The following FAM13B variants were observed in gnomAD, a reference collection of about 807,000 sequenced individuals.
FAM13B encodes protein FAM13B.
FAM13B carries 60 observed loss-of-function variants against 117.3 expected under a neutral mutation model. That is an observed-to-expected ratio of 0.51 (90% CI 0.42 to 0.63). The LOEUF is 0.63. Among genes scored for constraint, FAM13B ranks in the 30% least tolerant of loss-of-function variants. The probability of loss-of-function intolerance (pLI) is 0.00; values close to 1 mark genes in which losing one functional copy is unlikely to be tolerated. For missense variants in FAM13B, 972 were observed against 1,091.9 expected (o/e 0.89, Z 1.55); for synonymous variants, 332 against 356.1 (o/e 0.93, Z 0.76).
intron 10 of FAM13B, among the ~76,000 whole-genome samples, chr5:137,969,319 C>A (rs546191477): frequency 2.0e-5 from 3 of 152,218 alleles, no homozygotes; most frequent in Non-Finnish European, 4.4e-5. Flanking sequence ...CCCCAAGCAG[C>A]CTAACTGGGA....
intron 1 of FAM13B, among the ~76,000 whole-genome samples, chr5:138,025,319 T>TTG (rs1788062549): frequency 8.5e-6 from 1 of 117,808 alleles, no homozygotes; most frequent in African/African-American, 3.1e-5. Context: ...ATGTATTTTT[T>TTG]TTTTTTTTTT....
intron 22 of FAM13B, chr5:137,942,550 T>C: frequency 3.6e-6 from 1 of 281,508 alleles, no homozygotes. Context: ...TTTTATACAG[T>C]CTGGGTCCCA....
At chr5:137,990,228 T>G (rs58146796) in intron 7 of FAM13B, among the ~76,000 whole-genome samples, 1 of 152,344 alleles carries the variant, frequency 6.6e-6, no homozygotes, top group African/African-American at 2.4e-5. Context: ...GATAATTCCT[T>G]GCCTATCGAG....
At chr5:138,042,018 A>G (rs1791515717) in intron 1 of FAM13B, among the ~76,000 whole-genome samples, 1 of 152,194 alleles carries the variant, frequency 6.6e-6, no homozygotes, top group African/African-American at 2.4e-5. Flanking sequence ...CTATGACTGC[A>G]CCACTGCACT....
chr5:138,031,686 G>GAA (rs761785377), intron 1 of FAM13B, among the ~76,000 whole-genome samples: 2 of 133,688 alleles, frequency 1.5e-5, no homozygotes, highest in African/African-American at 2.8e-5. Context: ...CTGTCTCAAG[G>GAA]AAAAAAAAAA....
intron 1 of FAM13B, among the ~76,000 whole-genome samples, chr5:138,045,138 T>C (rs1581333248): frequency 6.6e-6 from 1 of 152,226 alleles, no homozygotes; most frequent in East Asian, 1.9e-4. Context: ...AATATAGGTA[T>C]AAAAATGTTC....
At chr5:137,981,892 T>G (rs911593773) in intron 10 of FAM13B, among the ~76,000 whole-genome samples, 4 of 151,642 alleles carry the variant, frequency 2.6e-5, no homozygotes, top group African/African-American at 9.7e-5. Flanking sequence ...AAACAGACAG[T>G]GATGAGGAGA....
At position 138,026,378 on chromosome 5, in the gene FAM13B, C is replaced by T. The variant is rs530292556; in HGVS notation, c.-202-5181G>A. ...TGATGGTTCACACCCGTAATCCCAG[C>T]TCTTTGGGAGGCCGAGGTGGGCAGA... On this transcript the variant is annotated intron_variant, in intron 1 of 23. Transcript: ENST00000689681. Among the ~76,000 whole-genome samples, 4 of 152,206 alleles carry T rather than the reference C, an allele frequency of 2.6e-5. No individual in the cohort carries two copies. In the South Asian group the frequency reaches 8.3e-4, roughly 32 times the overall value.
intron 1 of FAM13B, among the ~76,000 whole-genome samples, chr5:138,025,313 A>ATATATATATAT (rs1788041739): frequency 9.0e-6 from 1 of 111,198 alleles, no homozygotes; most frequent in African/African-American, 3.3e-5. Flanking sequence ...ATATATATGT[A>ATATATATATAT]TTTTTTTTTT....
chr5:138,002,110 C>CT (rs1288297203), intron 7 of FAM13B, among the ~76,000 whole-genome samples: 2 of 152,084 alleles, frequency 1.3e-5, no homozygotes. Flanking sequence ...AATAAATGAT[C>CT]TTAGTTTTTA....
chr5:138,005,937 C>T (rs1166288437), intron 7 of FAM13B, among the ~76,000 whole-genome samples: 1 of 148,262 alleles, frequency 6.7e-6, no homozygotes, highest in African/African-American at 2.5e-5. Flanking sequence ...TTTGCTCTGT[C>T]GCCCAGGCTG....
chr5:138,010,134 C>G (rs1783609426), intron 6 of FAM13B, among the ~76,000 whole-genome samples: 1 of 152,094 alleles, frequency 6.6e-6, no homozygotes, highest in Non-Finnish European at 1.5e-5. Context: ...GCACATGCCC[C>G]TATGCCTGGC....
In FAM13B at chr5:137,940,008, G is replaced by A. The variant is rs921584617; in HGVS notation, c.*217C>T. 2 of 1,603,602 alleles carry A rather than the reference G, an allele frequency of 1.2e-6. No individual in the cohort carries two copies. The highest frequency in any genetic ancestry group is 1.7e-6 in the Non-Finnish European group (2 of 1,174,446). ...ACCATATGTTTGCTAAAGGTGGAGA[G>A]GACAGTCTGTGGTTAATATGGAACA... On this transcript the variant is annotated 3_prime_UTR_variant, in exon 24 of 24. Coordinates refer to ENST00000689681, the MANE Select transcript of FAM13B (RefSeq NM_001385994.1).
intron 4 of FAM13B, among the ~76,000 whole-genome samples, chr5:138,015,838 C>T (rs1382995604): frequency 6.6e-6 from 1 of 152,186 alleles, no homozygotes; most frequent in Non-Finnish European, 1.5e-5. Flanking sequence ...GCAAATATCA[C>T]CCCAAATACT....
At chr5:137,965,869 A>G (rs1769562687) in intron 10 of FAM13B, among the ~76,000 whole-genome samples, 1 of 152,176 alleles carries the variant, frequency 6.6e-6, no homozygotes, top group African/African-American at 2.4e-5. Context: ...GGCACCATCA[A>G]TGAAGGTACC....
intron 20 of FAM13B, among the ~76,000 whole-genome samples, chr5:137,944,687 G>A (rs1762929194): frequency 6.6e-6 from 1 of 151,698 alleles, no homozygotes; most frequent in Non-Finnish European, 1.5e-5. Flanking sequence ...GAACCCGGGA[G>A]GCGGAGGTTG....
intron 9 of FAM13B, among the ~76,000 whole-genome samples, chr5:137,986,022 T>G (rs955707597): frequency 3.3e-5 from 5 of 152,194 alleles, no homozygotes; most frequent in Non-Finnish European, 7.3e-5. Flanking sequence ...TAGATACTGA[T>G]TTTTTCCTTC....
chr5:138,047,277 C>T (rs1162669025), intron 1 of FAM13B, among the ~76,000 whole-genome samples: 8 of 150,678 alleles, frequency 5.3e-5, no homozygotes, highest in African/African-American at 9.8e-5. Context: ...GAGGCCGAGG[C>T]GGGTGGATCA....
rs781652564 is a variant in FAM13B, at chr5:138,011,142, T to C, written c.556A>G (p.Thr186Ala). The change falls in exon 6 of 24, where the codon ACA (threonine) becomes GCA (alanine). Residue 186 changes from threonine (T) to alanine (A), a missense_variant. Physicochemically the swap from Thr to Ala is moderately conservative, Grantham distance 58 (BLOSUM62 0). Transcript: ENST00000689681. Reference sequence around the variant, plus strand: ...TGCTCTTTCATGTCTTCCACATCTGTGTAAATGCTAAGAATAGAAGTCCAA... The same window carrying C: ...TGCTCTTTCATGTCTTCCACATCTGCGTAAATGCTAAGAATAGAAGTCCAA... ...VFGPDVFHIY[T>A]DVEDMKEQEI... 1.2e-6 allele frequency: 2 copies of C among 1,602,820 alleles called. No individual in the cohort carries two copies. Among genetic ancestry groups the C allele is most frequent in the African/African-American group, 2.7e-5 (2 of 74,304 alleles).
Sources: allele counts gnomAD v4.1 joint callset (sites outside exome capture counted in the v4.1 genomes callset), GRCh38; gene constraint gnomAD v4.1.1; transcripts MANE v1.5; gene names NCBI Gene and HGNC (gene_info 2026-07-23, HGNC 2026-07-21).